Variants in UBR4 observed in about 807,000 individuals in gnomAD.
The protein encoded by UBR4 is E3 ubiquitin-protein ligase UBR4.
Under a neutral mutation model 575.6 loss-of-function variants are expected in UBR4, and 124 were observed. The ratio of observed to expected loss-of-function variants is 0.22; its 90% CI spans 0.19 to 0.25. UBR4 has a LOEUF of 0.25. Among genes scored for constraint, UBR4 ranks in the 10% least tolerant of loss-of-function variants. The probability of loss-of-function intolerance (pLI) is 1.00; values close to 1 mark genes in which losing one functional copy is unlikely to be tolerated. For synonymous variants in UBR4, 2,455 were observed against 2,473.7 expected (o/e 0.99, Z 0.22); for missense variants, 4,818 against 6,478.8 (o/e 0.74, Z 8.80).
intron 1 of UBR4, 31 bp from the exon 2 acceptor site, chr1:19,201,846 C>G (rs1169654371): frequency 6.3e-7 from 1 of 1,592,332 alleles, no homozygotes; most frequent in Middle Eastern, 1.7e-4. Flanking sequence ...CAGCCAGCAT[C>G]TGCTTAGCGC....
In UBR4 at chr1:19,152,601, AT is replaced by A; in HGVS notation, c.6833-126del. The A allele has an allele frequency of 7.8e-7, 1 of 1,288,720 alleles. No homozygotes were observed. Among genetic ancestry groups the A allele is most frequent in the Non-Finnish European group, 1.1e-6 (1 of 927,864 alleles). 79.8% of individuals were successfully genotyped at this position (1,288,720 alleles called of 1,614,324 possible). On this transcript the variant is annotated intron_variant, in intron 46 of 105. Transcript: ENST00000375254. This position sits in a 1 kb window ranked among gnomAD's most constrained non-coding sequence, Gnocchi z 4.4. ...ATCTAAGCAAACTCTGGATTATAACATTTGCATCGGCATGATGCCTACATGT... is the reference window on the plus strand; with the variant it reads ...ATCTAAGCAAACTCTGGATTATAACATTGCATCGGCATGATGCCTACATGT...
At chr1:19,144,616 A>C (rs2084585409) in intron 54 of UBR4, among the ~76,000 whole-genome samples, 170 bp downstream of exon 54, 1 of 152,212 alleles carries the variant, frequency 6.6e-6, no homozygotes, top group Admixed American at 6.5e-5. Flanking sequence ...CCCCTTTCCA[A>C]ATCTTTCTCT....
intron 101 of UBR4, 94 bp from the exon 102 acceptor site, chr1:19,084,792 T>C (rs905100434): frequency 2.4e-6 from 3 of 1,240,722 alleles, no homozygotes; most frequent in Non-Finnish European, 3.4e-6. Context: ...CTCCCAGGCC[T>C]GATGGCTGCA....
chr1:19,093,469 C>T lies in UBR4; in HGVS notation c.13955G>A (p.Ser4652Asn), dbSNP rs749658989. ...GTCCAGGAAGACTTTATCATCACCA[C>T]TGTGATCTTCATCATATCTAGGAGG... The part of the protein sequence containing the change: ...CNFDKYDEDH[S>N]GDDKVFLDCF... Residue 4652 changes from serine (S) to asparagine (N), a missense_variant, in exon 96 of 106, where the codon AGT becomes AAT. Ser to Asn is a conservative substitution (Grantham distance 46, BLOSUM62 1). Transcript: ENST00000375254. This position sits in a 1 kb window ranked among gnomAD's most constrained non-coding sequence, Gnocchi z 4.8. 6.2e-7 allele frequency: 1 copy of T among 1,614,176 alleles called. No individual in the cohort carries two copies. Among genetic ancestry groups the T allele is most frequent in the African/African-American group, 1.3e-5 (1 of 75,050 alleles).
In UBR4 at chr1:19,118,894, G is replaced by T. The variant is rs969767807; in HGVS notation, c.10519C>A (p.His3507Asn). The T allele has an allele frequency of 6.2e-7, 1 of 1,614,038 alleles. No individual in the cohort carries two copies. Among genetic ancestry groups the T allele is most frequent in the African/African-American group, 1.3e-5 (1 of 74,908 alleles). Reference sequence around the variant, plus strand: ...CACTTATAAATGTTCGAGTTGGGGTGGTTGGTAAGAATATGGTTTTGAGTC... The same window carrying T: ...CACTTATAAATGTTCGAGTTGGGGTTGTTGGTAAGAATATGGTTTTGAGTC... Reference protein sequence around the residue: ...LRTQNHILTNHPNSNIYNTLS... With the variant: ...LRTQNHILTNNPNSNIYNTLS... Residue 3507 changes from histidine to asparagine, a missense_variant, in exon 71 of 106, where the codon CAC becomes AAC. Physicochemically the swap from His to Asn is moderately conservative, Grantham distance 68. Coordinates refer to ENST00000375254, the MANE Select transcript of UBR4 (RefSeq NM_020765.3).
intron 58 of UBR4, 109 bp downstream of exon 58, chr1:19,140,679 A>G: frequency 8.9e-7 from 1 of 1,121,082 alleles, no homozygotes; most frequent in East Asian, 2.6e-5. Flanking sequence ...AGAAGCAGGA[A>G]GTCCAGAATG....
chr1:19,089,074 C>T lies in UBR4; in HGVS notation c.14212-97G>A. 1 of 1,191,806 alleles carries T rather than the reference C, an allele frequency of 8.4e-7. No homozygotes were observed. Among genetic ancestry groups the T allele is most frequent in the South Asian group, 1.4e-5 (1 of 73,164 alleles). The allele number at this position is 1,191,806 out of a possible 1,614,324, so 73.8% of individuals were successfully genotyped here. The stretch of plus-strand genomic sequence containing the variant: ...GTTTAGAAACTCAACCAGCATGCAC[C>T]ATCTCATGTCACCTGCTCAGCTGCA... On this transcript the variant is annotated intron_variant, in intron 97 of 105. Coordinates refer to ENST00000375254, the MANE Select transcript of UBR4 (RefSeq NM_020765.3). The surrounding 1 kb of genome is among the most constrained non-coding windows in gnomAD (Gnocchi z 4.3).
At chr1:19,086,101 T>A in intron 101 of UBR4, 44 bp downstream of exon 101, 1 of 1,606,652 alleles carries the variant, frequency 6.2e-7, no homozygotes, top group Non-Finnish European at 8.5e-7. Flanking sequence ...TCCCATCCCC[T>A]GCAAATCCCC....
In UBR4 at chr1:19,104,150, G is replaced by C; in HGVS notation, c.12835C>G (p.Gln4279Glu). ...GTCTCATCGATCAGCTTGGTCCTCT[G>C]CACCACCAGCTTCCGCAAGCACAGG... Reference protein sequence around the residue: ...GYLCLRKLVVQRTKLIDETQD... With the variant: ...GYLCLRKLVVERTKLIDETQD... Residue 4279 changes from glutamine to glutamate, a missense_variant, in exon 87 of 106, where the codon CAG (glutamine) becomes GAG (glutamate). Coordinates refer to ENST00000375254, the MANE Select transcript of UBR4 (RefSeq NM_020765.3). 1 of 1,614,234 alleles carries C rather than the reference G, an allele frequency of 6.2e-7. No homozygotes were observed.
Position 19,119,706 on chromosome 1 carries a change from G to A in UBR4, c.10311-5C>T. On this transcript the variant is annotated splice_region_variant and splice_polypyrimidine_tract_variant and intron_variant, in intron 69 of 105. Coordinates refer to ENST00000375254, the MANE Select transcript of UBR4 (RefSeq NM_020765.3). ...TGTTGAGATTTGCTGGAATTTCTGT[G>A]GATATATGACAGCTCATGTTACCAA... 6.2e-7 allele frequency: 1 copy of A among 1,608,378 alleles called. No homozygotes were observed. The highest frequency in any genetic ancestry group is 1.1e-5 in the South Asian group (1 of 90,938).
At position 19,117,790 on chromosome 1, in the gene UBR4, C is replaced by T. The variant is rs1362056440; in HGVS notation, c.10629+33G>A. On this transcript the variant is annotated intron_variant, in intron 72 of 105. Transcript: ENST00000375254. This position sits in a 1 kb window ranked among gnomAD's most constrained non-coding sequence, Gnocchi z 4.0. Reference sequence around the variant, plus strand: ...ACAAGAATCCCACTGGACCTATTGGCCTCAGGACTGTCCATGTACAGATGT... The same window carrying T: ...ACAAGAATCCCACTGGACCTATTGGTCTCAGGACTGTCCATGTACAGATGT... 6.3e-7 allele frequency: 1 copy of T among 1,591,842 alleles called. No homozygotes were observed. Among genetic ancestry groups the T allele is most frequent in the African/African-American group, 1.3e-5 (1 of 74,478 alleles).
chr1:19,155,914 A>C (rs1317565569), intron 42 of UBR4, among the ~76,000 whole-genome samples: 1 of 152,258 alleles, frequency 6.6e-6, no homozygotes, highest in Non-Finnish European at 1.5e-5. Flanking sequence ...ATAGGTGTGC[A>C]CTTGGTACAG....
Position 19,187,287 on chromosome 1 carries a change from A to T in UBR4, c.1509T>A (p.Asp503Glu), listed in dbSNP as rs765916891. 3.1e-6 allele frequency: 5 copies of T among 1,613,680 alleles called. No homozygotes were observed. The change falls in exon 13 of 106, where the codon GAT (aspartate) becomes GAA (glutamate). Residue 503 changes from aspartate to glutamate, a missense_variant. Asp to Glu is a conservative substitution (Grantham distance 45). This residue lies in a region of UBR4 where 162 missense variants were observed against 216.4 expected (regional missense o/e 0.75). Coordinates refer to ENST00000375254, the MANE Select transcript of UBR4 (RefSeq NM_020765.3). The part of the protein sequence containing the change: ...VEALHKGWET[D>E]GPPAALSIMA... ...TAATGCTCAAGGCTGCAGGGGGGCC[A>T]TCTGTCTCCCAACCCTGAAGGCAAT... is the stretch of plus-strand genomic sequence containing the variant.
chr1:19,141,095 G>C (rs1390312050), intron 57 of UBR4, among the ~76,000 whole-genome samples: 1 of 152,176 alleles, frequency 6.6e-6, no homozygotes, highest in East Asian at 1.9e-4. Context: ...GCTCAGGCAG[G>C]ACACAGGCTG....
chr1:19,185,591 T>C (rs1287009657), intron 14 of UBR4, among the ~76,000 whole-genome samples: 1 of 130,216 alleles, frequency 7.7e-6, no homozygotes, highest in Non-Finnish European at 1.6e-5. Context: ...TTTTTTTTTT[T>C]GAGAGGGAGT....
intron 55 of UBR4, among the ~76,000 whole-genome samples, chr1:19,143,094 C>T (rs764071896): frequency 2.1e-4 from 22 of 104,104 alleles, no homozygotes; most frequent in African/African-American, 6.3e-4. Flanking sequence ...TGAAAAAAGA[C>T]GAGAGAGAGA....
At chr1:19,193,087 T>A (rs180822613) in intron 9 of UBR4, among the ~76,000 whole-genome samples, 6 of 152,156 alleles carry the variant, frequency 3.9e-5, no homozygotes, top group African/African-American at 1.2e-4. Context: ...CAGATCACTA[T>A]CAATCACAAT....
chr1:19,163,686 CGA>C, intron 34 of UBR4, 76 bp downstream of exon 34: 2 of 1,479,276 alleles, frequency 1.4e-6, no homozygotes, highest in East Asian at 2.3e-5. Context: ...TCAATAGGAA[CGA>C]GAGACTTCCA....
At chr1:19,155,954 T>C (rs10799709) in intron 42 of UBR4, among the ~76,000 whole-genome samples, 67,105 of 152,078 alleles carry the variant, frequency 0.44, 15,300 homozygotes, top group East Asian at 0.76. Flanking sequence ...AATTCCCTAT[T>C]GCCTAAAGAC....
Sources: gnomAD v4.1 joint callset for allele counts (sites outside exome capture counted in the v4.1 genomes callset) on GRCh38, gnomAD v4.1.1 for gene constraint, gnomAD v4.1.1 regional missense constraint, Gnocchi (gnomAD v3.1) non-coding constraint, MANE v1.5 for transcripts, NCBI Gene and HGNC (gene_info 2026-07-23, HGNC 2026-07-21) for gene names.